PDGFRA: variants seen among roughly 807,000 people sequenced by gnomAD.
PDGFRA encodes platelet derived growth factor receptor alpha.
Under a neutral mutation model 121.5 loss-of-function variants are expected in PDGFRA, and 25 were observed. The ratio of observed to expected loss-of-function variants is 0.21; its 90% confidence interval spans 0.15 to 0.29. The LOEUF (loss-of-function observed/expected upper bound fraction) is 0.29, where lower values mean the gene tolerates loss of function less well. PDGFRA is among the 10% of genes least tolerant of loss of function. PDGFRA has a pLI of 1.00. For missense variants in PDGFRA, 1,008 were observed against 1,345.1 expected, an observed-to-expected ratio of 0.75 and a Z score of 3.92; for synonymous variants, 463 against 494.8, an observed-to-expected ratio of 0.94 and a Z score of 0.85.
intron 1 of PDGFRA, among the ~76,000 whole-genome samples, chr4:54,246,831 A>T (rs1484770822): frequency 6.6e-6 from 1 of 151,312 alleles, no homozygotes; most frequent in Non-Finnish European, 1.5e-5. Context: ...AAGACTAATA[A>T]AGAAGAAAAG....
rs2110312393 is a variant in PDGFRA, at chr4:54,278,013, T to C, written c.2002+7T>C. ...GGAGCCTGCACCAAGTCAGGTGGGC[T>C]CACTGACCTGGAGTGAGGATTTTCA... is the stretch of plus-strand genomic sequence containing the variant. On this transcript the variant is annotated splice_region_variant and intron_variant, in intron 14 of 22. Coordinates refer to ENST00000257290, the MANE Select transcript of PDGFRA (RefSeq NM_006206.6). The C allele has an allele frequency of 6.5e-7, 1 of 1,542,030 alleles. No homozygotes were observed. Among genetic ancestry groups the C allele is most frequent in the Non-Finnish European group, 9.0e-7 (1 of 1,114,276 alleles).
chr4:54,269,690 T>C (rs989193018), intron 7 of PDGFRA, among the ~76,000 whole-genome samples: 2 of 149,626 alleles, frequency 1.3e-5, no homozygotes, highest in Non-Finnish European at 3.0e-5. Flanking sequence ...TCACCCAGGC[T>C]GGAGTGCAGC....
In PDGFRA at chr4:54,261,169, A is replaced by G; in HGVS notation, c.124A>G (p.Asn42Asp). The G allele has an allele frequency of 6.2e-7, 1 of 1,614,162 alleles. No homozygotes were observed. The highest frequency in any genetic ancestry group is 8.5e-7 in the Non-Finnish European group (1 of 1,179,986). The change falls in exon 3 of 23, where the codon AAT (asparagine) becomes GAT (aspartate). Residue 42 changes from asparagine (N) to aspartate (D), a missense_variant. Physicochemically the swap from Asn to Asp is conservative, Grantham distance 23 (BLOSUM62 1). Around this residue, in one of 5 missense-constraint regions of PDGFRA, gnomAD observed 575 missense variants for 701.8 expected, o/e 0.82. Coordinates refer to ENST00000257290, the MANE Select transcript of PDGFRA (RefSeq NM_006206.6). ...TGAAAATGAAAAGGTTGTGCAGCTGAATTCATCCTTTTCTCTGAGATGCTT... is the reference window on the plus strand; with the variant it reads ...TGAAAATGAAAAGGTTGTGCAGCTGGATTCATCCTTTTCTCTGAGATGCTT... ...PNENEKVVQL[N>D]SSFSLRCFGE...
At chr4:54,263,404 C>T (rs1482931763) in intron 3 of PDGFRA, among the ~76,000 whole-genome samples, 3 of 152,118 alleles carry the variant, frequency 2.0e-5, no homozygotes, top group Non-Finnish European at 4.4e-5. Context: ...GGATTACAGG[C>T]ATGAGCCACA....
intron 1 of PDGFRA, among the ~76,000 whole-genome samples, chr4:54,245,120 T>G (rs1191131745): frequency 1.3e-5 from 2 of 152,098 alleles, no homozygotes; most frequent in Non-Finnish European, 2.9e-5. Flanking sequence ...ACGGGGAGAA[T>G]GGAACCAAGT....
intron 9 of PDGFRA, 149 bp from the exon 10 acceptor site, chr4:54,273,388 T>G (rs768818009): frequency 1.4e-4 from 98 of 686,646 alleles, no homozygotes; most frequent in Middle Eastern, 7.6e-4. Context: ...AGTTTTAATG[T>G]TCATCTGCAT....
intron 7 of PDGFRA, among the ~76,000 whole-genome samples, chr4:54,269,396 T>C (rs561979625): frequency 6.6e-6 from 1 of 152,096 alleles, no homozygotes; most frequent in Non-Finnish European, 1.5e-5. Flanking sequence ...ACCCGAGATC[T>C]TCTCACTCCA....
In PDGFRA at chr4:54,267,429, A is replaced by G. The variant is rs140632903; in HGVS notation, c.900A>G (p.Lys300=). ...CCCGCCAGGCTACCAGGGAGGTCAA[A>G]GAAATGAAGAAAGTCACTATTTCTG... ...CAARQATREV[K]EMKKVTISVH... The change falls in exon 6 of 23, where the codon AAA becomes AAG. Residue 300 remains lysine, a synonymous_variant. Coordinates refer to ENST00000257290, the MANE Select transcript of PDGFRA (RefSeq NM_006206.6). The G allele has an allele frequency of 1.9e-6, 3 of 1,614,230 alleles. No individual in the cohort carries two copies. The highest frequency in any genetic ancestry group is 1.7e-6 in the Non-Finnish European group (2 of 1,180,040).
intron 1 of PDGFRA, among the ~76,000 whole-genome samples, chr4:54,243,177 G>A (rs988976002): frequency 6.6e-6 from 1 of 152,128 alleles, no homozygotes; most frequent in Non-Finnish European, 1.5e-5. Context: ...TGAAATGCTT[G>A]GTGAAAGCAT....
chr4:54,295,200 C>A lies in PDGFRA; in HGVS notation c.3198C>A (p.Thr1066=). The change falls in exon 23 of 23, where the codon ACC becomes ACA. Residue 1066 remains threonine (T), a synonymous_variant. Transcript: ENST00000257290. ...SSTFIKREDE[T]IEDIDMMDDI... is the part of the protein sequence containing the mutation. ...CCTTCATCAAGAGAGAGGACGAGAC[C>A]ATTGAAGACATCGACATGATGGATG... 6.2e-7 allele frequency: 1 copy of A among 1,613,384 alleles called. No individual in the cohort carries two copies. Among genetic ancestry groups the A allele is most frequent in the Non-Finnish European group, 8.5e-7 (1 of 1,179,364 alleles).
intron 2 of PDGFRA, among the ~76,000 whole-genome samples, chr4:54,259,441 C>T (rs1224543803): frequency 6.6e-6 from 1 of 152,180 alleles, no homozygotes; most frequent in East Asian, 1.9e-4. Flanking sequence ...CCTTTATCTT[C>T]TCTAGGAATC....
intron 17 of PDGFRA, 34 bp from the exon 18 acceptor site, chr4:54,285,807 T>G (rs1485287062): frequency 6.2e-7 from 1 of 1,612,742 alleles, no homozygotes; most frequent in Non-Finnish European, 8.5e-7. Context: ...TACAGATGGC[T>G]TGATCCTGAG....
At chr4:54,251,956 A>C (rs1215483115) in intron 1 of PDGFRA, among the ~76,000 whole-genome samples, 1 of 152,220 alleles carries the variant, frequency 6.6e-6, no homozygotes, top group Non-Finnish European at 1.5e-5. Flanking sequence ...ATGGCAAACA[A>C]ATTTGTCCCA....
chr4:54,242,534 G>T (rs59187560), intron 1 of PDGFRA, among the ~76,000 whole-genome samples: 7,682 of 151,908 alleles, frequency 0.051, 638 homozygotes, highest in African/African-American at 0.17. Flanking sequence ...ATATTCCATA[G>T]TCATATTTAT....
At chr4:54,277,102 CG>C in intron 12 of PDGFRA, 2 of 467,754 alleles carry the variant, frequency 4.3e-6, no homozygotes. Flanking sequence ...TGGCCCAGCA[CG>C]GAGCTGGTAG....
rs1723106857 is a variant in PDGFRA, at chr4:54,267,552, A to C, written c.932A>C (p.Glu311Ala). The C allele has an allele frequency of 6.2e-7, 1 of 1,614,138 alleles. No homozygotes were observed. The highest frequency in any genetic ancestry group is 8.5e-7 in the Non-Finnish European group (1 of 1,179,960). The change falls in exon 7 of 23, where the codon GAG becomes GCG. Residue 311 changes from glutamate (E) to alanine (A), a missense_variant and splice_region_variant. Coordinates refer to ENST00000257290, the MANE Select transcript of PDGFRA (RefSeq NM_006206.6). ...TTAATGGAAACTCTTCCCTGTACAGAGAAAGGTTTCATTGAAATCAAACCC... is the reference window on the plus strand; with the variant it reads ...TTAATGGAAACTCTTCCCTGTACAGCGAAAGGTTTCATTGAAATCAAACCC... ...EMKKVTISVH[E>A]KGFIEIKPTF...
intron 3 of PDGFRA, among the ~76,000 whole-genome samples, chr4:54,261,924 TATATA>T (rs1391422787): frequency 1.7e-3 from 130 of 75,962 alleles, no homozygotes; most frequent in East Asian, 3.2e-3. Flanking sequence ...TATATATATA[TATATA>T]TATTTTTTTT....
intron 1 of PDGFRA, among the ~76,000 whole-genome samples, chr4:54,244,944 G>A (rs531033978): frequency 8.5e-5 from 13 of 152,248 alleles, no homozygotes; most frequent in African/African-American, 2.2e-4. Context: ...GAGCTGATGC[G>A]ATCAACTGGA....
rs68009440 is a variant in PDGFRA at position 54,260,397 on chromosome 4, G to GTTTTTTTTTTTTTTTTT, written c.50-685_50-669dup. On this transcript the variant is annotated intron_variant, in intron 2 of 22. Transcript: ENST00000257290. ...TTGCCTCCATTCTTATTCCATGTGG[G>GTTTTTTTTTTTTTTTTT]TTTTTTTTTTTTTTTTTTTTTTTTT... Among the ~76,000 whole-genome samples the GTTTTTTTTTTTTTTTTT allele has an allele frequency of 1.1e-4, 7 of 64,566 alleles. 1 individual carries two copies. Among genetic ancestry groups the GTTTTTTTTTTTTTTTTT allele is most frequent in the African/African-American group, 4.7e-4 (7 of 14,764 alleles). The allele number at this position is 64,566 out of a possible 152,430, so 42.4% of individuals were successfully genotyped here.
Sources: allele counts gnomAD v4.1 joint callset (sites outside exome capture counted in the v4.1 genomes callset), GRCh38; gene constraint gnomAD v4.1.1; regional missense constraint gnomAD v4.1.1; transcripts MANE v1.5; gene names NCBI Gene and HGNC (gene_info 2026-07-23, HGNC 2026-07-21).